The following CSMD1 variants were observed in gnomAD, a reference collection of about 807,000 sequenced individuals.
CSMD1 encodes the protein CUB and sushi domain-containing protein 1.
A neutral mutation model predicts 417.5 loss-of-function variants in CSMD1; 213 were observed. The ratio of observed to expected loss-of-function variants is 0.51; its 90% CI spans 0.46 to 0.57. The LOEUF is 0.57. Ranked by LOEUF, CSMD1 falls within the 20% of genes least tolerant of loss-of-function variation. The probability of loss-of-function intolerance (pLI) is 0.00; values close to 1 mark genes in which losing one functional copy is unlikely to be tolerated. For synonymous variants in CSMD1, 2,862 were observed against 1,736.8 expected (o/e 1.65, Z -16.11); for missense variants, 6,923 against 4,529.7 (o/e 1.53, Z -15.17).
intron 5 of CSMD1, among the ~76,000 whole-genome samples, chr8:3,851,045 G>C (rs1803871699): frequency 6.6e-6 from 1 of 152,150 alleles, no homozygotes; most frequent in African/African-American, 2.4e-5. Context: ...ATAACAATTT[G>C]TAGAAATGAA....
intron 4 of CSMD1, among the ~76,000 whole-genome samples, chr8:4,025,144 T>C (rs978898500): frequency 1.8e-4 from 28 of 152,214 alleles, no homozygotes; most frequent in Non-Finnish European, 3.5e-4. Context: ...GACTGTAATT[T>C]TCCATGGATG....
At chr8:3,526,094 A>C (rs1457168398) in intron 10 of CSMD1, among the ~76,000 whole-genome samples, 3 of 152,194 alleles carry the variant, frequency 2.0e-5, no homozygotes, top group African/African-American at 7.2e-5. Flanking sequence ...CTGAATTGTC[A>C]ATTCAGCTTT....
At chr8:3,375,974 G>A (rs951524521) in intron 18 of CSMD1, among the ~76,000 whole-genome samples, 3 of 151,998 alleles carry the variant, frequency 2.0e-5, no homozygotes, top group Admixed American at 6.6e-5. Flanking sequence ...CCAAGCTTTC[G>A]ATATCCCAAA....
rs77641936 is a variant in CSMD1, at chr8:4,954,199, G to A, written c.85+40133C>T. On this transcript the variant is annotated intron_variant, in intron 1 of 69. Coordinates refer to ENST00000635120, the MANE Select transcript of CSMD1 (RefSeq NM_033225.6). The stretch of plus-strand genomic sequence containing the variant: ...AATAAACAAACAGAAAACACATTAT[G>A]TGTTCCCTAACCTCAAGGAGCTCAG... Among the ~76,000 whole-genome samples the A allele has an allele frequency of 2.6e-5, 4 of 152,268 alleles. No individual in the cohort carries two copies. The East Asian group carries it at 7.7e-4, about 29-fold the overall frequency.
intron 5 of CSMD1, among the ~76,000 whole-genome samples, chr8:3,957,932 C>A (rs992975891): frequency 1.3e-5 from 2 of 152,086 alleles, no homozygotes; most frequent in African/African-American, 4.8e-5. Flanking sequence ...CTTCTCAGGG[C>A]AGCAAATCCT....
At chr8:4,037,798 T>C (rs553144913) in intron 3 of CSMD1, among the ~76,000 whole-genome samples, 5 of 152,104 alleles carry the variant, frequency 3.3e-5, no homozygotes, top group Non-Finnish European at 7.4e-5. Flanking sequence ...CCATTCCAGG[T>C]TGGAATTGAA....
chr8:3,406,496 G>C (rs1197845012), intron 14 of CSMD1, among the ~76,000 whole-genome samples: 2 of 152,172 alleles, frequency 1.3e-5, no homozygotes, highest in East Asian at 1.9e-4. Context: ...CTTAGACAAA[G>C]AGAGAACTGA....
At chr8:4,189,781 G>C (rs909609025) in intron 3 of CSMD1, among the ~76,000 whole-genome samples, 6 of 152,020 alleles carry the variant, frequency 3.9e-5, no homozygotes, top group Admixed American at 2.0e-4. Context: ...GGCACACAAA[G>C]GATAATTTTA....
At position 4,783,790 on chromosome 8, in the gene CSMD1, G is replaced by T. The variant is rs376396895; in HGVS notation, c.86-146232C>A. Among the ~76,000 whole-genome samples the T allele has an allele frequency of 3.9e-5, 6 of 152,256 alleles. No individual in the cohort carries two copies. The South Asian group carries it at 1.2e-3, about 32-fold the overall frequency. ...CTGGTGATGCCTCATTTGTAACTGT[G>T]GAGGCTTTGACACAAGGCATCAACC... On this transcript the variant is annotated intron_variant, in intron 1 of 69. Transcript: ENST00000635120.
At chr8:4,012,009 T>C (rs1458963047) in intron 4 of CSMD1, among the ~76,000 whole-genome samples, 2 of 147,672 alleles carry the variant, frequency 1.4e-5, no homozygotes, top group Non-Finnish European at 3.0e-5. Context: ...CTGTATTGTT[T>C]AGGTAATAAT....
At chr8:3,523,006 T>TATACAC (rs1554453429) in intron 10 of CSMD1, among the ~76,000 whole-genome samples, 41 of 113,392 alleles carry the variant, frequency 3.6e-4, no homozygotes, top group African/African-American at 1.5e-3. Flanking sequence ...GATACATATA[T>TATACAC]ACACACACCC....
At chr8:4,786,692 T>C (rs2117213166) in intron 1 of CSMD1, among the ~76,000 whole-genome samples, 1 of 152,356 alleles carries the variant, frequency 6.6e-6, no homozygotes, top group Non-Finnish European at 1.5e-5. Context: ...CTATCTGGTT[T>C]TCTTCAACAT....
chr8:4,681,157 C>A (rs552489770), intron 1 of CSMD1, among the ~76,000 whole-genome samples: 1 of 152,084 alleles, frequency 6.6e-6, no homozygotes, highest in South Asian at 2.1e-4. Context: ...GAATGGCCAA[C>A]AATACTTCTT....
chr8:4,360,719 C>G (rs541959407), intron 3 of CSMD1, among the ~76,000 whole-genome samples: 2 of 152,130 alleles, frequency 1.3e-5, no homozygotes, highest in African/African-American at 4.8e-5. Context: ...GGTCTCCGAT[C>G]TCCTGACCTC....
At chr8:3,901,121 G>T (rs1475864912) in intron 5 of CSMD1, among the ~76,000 whole-genome samples, 1 of 152,188 alleles carries the variant, frequency 6.6e-6, no homozygotes, top group Non-Finnish European at 1.5e-5. Flanking sequence ...ACTTTTGGGG[G>T]AGGGTCATGA....
chr8:3,611,550 G>A (rs1328650844), intron 8 of CSMD1, among the ~76,000 whole-genome samples: 1 of 152,044 alleles, frequency 6.6e-6, no homozygotes, highest in Non-Finnish European at 1.5e-5. Context: ...TTGAGCCCAT[G>A]ACAAAGTTAA....
chr8:3,681,517 C>T (rs532101393), intron 7 of CSMD1, among the ~76,000 whole-genome samples: 164 of 152,230 alleles, frequency 1.1e-3, no homozygotes, highest in Admixed American at 2.4e-3. Context: ...GAATTACAAA[C>T]CACTGCTCAA....
intron 1 of CSMD1, among the ~76,000 whole-genome samples, chr8:4,961,661 C>G (rs1390064396): frequency 6.6e-6 from 1 of 152,086 alleles, no homozygotes; most frequent in Non-Finnish European, 1.5e-5. Context: ...AAAAACCCTA[C>G]AAGTTGTATA....
At chr8:3,617,139 G>A (rs752408140) in intron 7 of CSMD1, among the ~76,000 whole-genome samples, 15 of 152,086 alleles carry the variant, frequency 9.9e-5, no homozygotes, top group South Asian at 2.1e-4. Flanking sequence ...TGAGAAAAAC[G>A]CATACACTTA....
Sources: allele counts gnomAD v4.1 joint callset (sites outside exome capture counted in the v4.1 genomes callset), GRCh38; gene constraint gnomAD v4.1.1; transcripts MANE v1.5; gene names NCBI Gene and HGNC (gene_info 2026-07-23, HGNC 2026-07-21).